DHRSX: variants seen among roughly 807,000 people sequenced by gnomAD.
DHRSX encodes dehydrogenase/reductase X-linked.
In DHRSX, 31 loss-of-function variants were observed where a neutral mutation model predicts 34.0. The ratio of observed to expected loss-of-function variants is 0.91; its 90% CI spans 0.69 to 1.23. The LOEUF (loss-of-function observed/expected upper bound fraction) is 1.23. Among genes scored for constraint, DHRSX ranks in the 50% most tolerant of loss-of-function variants. The pLI, the probability that DHRSX is intolerant of heterozygous loss-of-function variation, is 0.00. For missense variants in DHRSX, 414 were observed against 428.1 expected (o/e 0.97, Z 0.29); for synonymous variants, 201 against 183.8 (o/e 1.09, Z -0.76).
chrX:2,486,063 G>A (rs1220442756), intron 1 of DHRSX, among the ~76,000 whole-genome samples: 2 of 151,954 alleles, frequency 1.3e-5, no homozygotes, highest in African/African-American at 2.4e-5. Context: ...GGAGAGGGAA[G>A]GCGCTGATGC....
intron 3 of DHRSX, among the ~76,000 whole-genome samples, chrX:2,395,407 A>G (rs1251825877): frequency 6.6e-6 from 1 of 152,144 alleles, no homozygotes; most frequent in African/African-American, 2.4e-5. Flanking sequence ...TACTGTGTCT[A>G]GAAACCTTTC....
intron 1 of DHRSX, among the ~76,000 whole-genome samples, chrX:2,459,300 G>C (rs746892446): frequency 6.6e-6 from 1 of 151,788 alleles, no homozygotes; most frequent in Admixed American, 6.6e-5. Context: ...AAAAAACGAA[G>C]TGAGGTGATA....
chrX:2,490,105 A>G (rs776146657), intron 1 of DHRSX: 1 of 1,613,770 alleles, frequency 6.2e-7, no homozygotes, highest in Admixed American at 1.7e-5. Flanking sequence ...CGCGGTTCTG[A>G]TTCTCACTCC....
intron 3 of DHRSX, among the ~76,000 whole-genome samples, chrX:2,325,295 G>A (rs1255484052): frequency 6.6e-6 from 1 of 151,470 alleles, no homozygotes; most frequent in Non-Finnish European, 1.5e-5. Context: ...GCAGGAACTA[G>A]GGACTAGACA....
At chrX:2,449,497 T>C (rs1160313664) in intron 1 of DHRSX, among the ~76,000 whole-genome samples, 4 of 152,110 alleles carry the variant, frequency 2.6e-5, no homozygotes, top group Non-Finnish European at 5.9e-5. Flanking sequence ...TCTTTTTAAA[T>C]TTATTGTGGT....
At chrX:2,444,843 A>C (rs2044107784) in intron 1 of DHRSX, among the ~76,000 whole-genome samples, 1 of 151,784 alleles carries the variant, frequency 6.6e-6, no homozygotes. Context: ...TCCAAAAAAA[A>C]AATGTTAAAA....
intron 3 of DHRSX, among the ~76,000 whole-genome samples, chrX:2,345,528 T>C (rs1379157802): frequency 1.3e-5 from 2 of 151,400 alleles, no homozygotes; most frequent in African/African-American, 4.9e-5. Context: ...GTGCCTATAA[T>C]CACAACTACT....
rs754776378 is a variant in DHRSX at position 2,345,400 on chromosome X, T to C, written c.287-53797A>G. 1.7e-4 allele frequency among the ~76,000 whole-genome samples: 26 copies of C among 150,992 alleles called. No individual in the cohort carries two copies. The South Asian group carries it at 5.2e-3, about 30-fold the overall frequency. On this transcript the variant is annotated intron_variant, in intron 3 of 6. Coordinates refer to ENST00000334651, the MANE Select transcript of DHRSX (RefSeq NM_145177.3). ...GCTCACACCTATAATCCCAGCACTT[T>C]GGGCAGCTGAGGCAGGTGGATCATC...
At chrX:2,380,083 T>A (rs1011470647) in intron 3 of DHRSX, among the ~76,000 whole-genome samples, 8 of 151,754 alleles carry the variant, frequency 5.3e-5, no homozygotes, top group Non-Finnish European at 7.4e-5. Context: ...AACCATGAGG[T>A]CAGGAGTCCA....
chrX:2,298,985 C>CAAAAA (rs1162323678), intron 3 of DHRSX, among the ~76,000 whole-genome samples: 2 of 88,532 alleles, frequency 2.3e-5, no homozygotes, highest in African/African-American at 1.1e-4. Flanking sequence ...AACTCTGTCT[C>CAAAAA]AAAAAAAAAA....
chrX:2,408,916 C>T, intron 2 of DHRSX, 103 bp from the exon 3 acceptor site: 1 of 990,328 alleles, frequency 1.0e-6, no homozygotes, highest in Admixed American at 2.7e-5. Flanking sequence ...TAACACAAAT[C>T]TGAAATGTGC....
At chrX:2,386,342 C>T (rs1308374078) in intron 3 of DHRSX, among the ~76,000 whole-genome samples, 3 of 152,070 alleles carry the variant, frequency 2.0e-5, no homozygotes, top group African/African-American at 7.2e-5. Flanking sequence ...CCTCAGCCTC[C>T]CAAGTAGCTG....
chrX:2,272,175 A>C (rs1463102112), intron 4 of DHRSX, among the ~76,000 whole-genome samples: 1 of 152,146 alleles, frequency 6.6e-6, no homozygotes, highest in Non-Finnish European at 1.5e-5. Context: ...ACACCAGAAT[A>C]GGTTGCTGTG....
At chrX:2,365,336 C>T (rs2042983925) in intron 3 of DHRSX, among the ~76,000 whole-genome samples, 1 of 152,134 alleles carries the variant, frequency 6.6e-6, no homozygotes, top group Non-Finnish European at 1.5e-5. Context: ...GGCAGGGTTT[C>T]ACCATGTTGG....
chrX:2,485,072 C>G (rs1025733835), intron 1 of DHRSX, among the ~76,000 whole-genome samples: 4 of 152,166 alleles, frequency 2.6e-5, no homozygotes, highest in Non-Finnish European at 5.9e-5. Flanking sequence ...CAAAAACAAC[C>G]AGCTCAGAGT....
intron 3 of DHRSX, among the ~76,000 whole-genome samples, chrX:2,373,358 C>T (rs2043102462): frequency 6.6e-6 from 1 of 152,116 alleles, no homozygotes; most frequent in Admixed American, 6.5e-5. Flanking sequence ...CAGAGGAGAC[C>T]TTTCAAAAGA....
intron 1 of DHRSX, among the ~76,000 whole-genome samples, chrX:2,450,743 AG>A (rs1569502744): frequency 6.6e-6 from 1 of 151,582 alleles, no homozygotes; most frequent in Non-Finnish European, 1.5e-5. Flanking sequence ...AAAAAAAAAA[AG>A]CTTAACTATT....
chrX:2,254,601 C>T (rs1161565285), intron 5 of DHRSX, among the ~76,000 whole-genome samples: 5 of 152,056 alleles, frequency 3.3e-5, no homozygotes, highest in African/African-American at 7.2e-5. Context: ...GATAACGATC[C>T]GCCTACCAGG....
intron 4 of DHRSX, among the ~76,000 whole-genome samples, chrX:2,288,385 G>A (rs1291832544): frequency 2.0e-5 from 3 of 152,068 alleles, no homozygotes; most frequent in Non-Finnish European, 4.4e-5. Context: ...ACAGGCATGC[G>A]CCACCATGCC....
Sources: allele counts gnomAD v4.1 joint callset (sites outside exome capture counted in the v4.1 genomes callset), GRCh38; gene constraint gnomAD v4.1.1; transcripts MANE v1.5; gene names NCBI Gene and HGNC (gene_info 2026-07-23, HGNC 2026-07-21).